MSRA: variants seen among roughly 807,000 people sequenced by gnomAD.
The protein encoded by MSRA is methionine sulfoxide reductase A.
MSRA carries 54 observed loss-of-function variants against 31.3 expected under a neutral mutation model. That is an observed-to-expected ratio of 1.73 (90% CI 1.39 to 2.17). The LOEUF (loss-of-function observed/expected upper bound fraction) is 2.17. Ranked by LOEUF, MSRA falls within the 30% of genes most tolerant of loss-of-function variation. MSRA has a pLI of 0.00. For missense variants in MSRA, 507 were observed against 300.9 expected (o/e 1.69, Z -5.07); for synonymous variants, 169 against 116.5 (o/e 1.45, Z -2.90).
At chr8:10,383,231 G>T (rs1028846355) in intron 5 of MSRA, among the ~76,000 whole-genome samples, 4 of 152,188 alleles carry the variant, frequency 2.6e-5, no homozygotes, top group African/African-American at 9.6e-5. Flanking sequence ...TTCCACAGGA[G>T]CTCCTGTGTG....
At chr8:10,123,885 G>A (rs76468518) in intron 1 of MSRA, among the ~76,000 whole-genome samples, 1 of 150,712 alleles carries the variant, frequency 6.6e-6, no homozygotes, top group Non-Finnish European at 1.5e-5. Context: ...CTTCTTTTGA[G>A]ACAGGGTCTC....
At chr8:10,112,224 G>A (rs1172704163) in intron 1 of MSRA, among the ~76,000 whole-genome samples, 1 of 152,120 alleles carries the variant, frequency 6.6e-6, no homozygotes, top group Non-Finnish European at 1.5e-5. Context: ...ATAGTTCTTA[G>A]GAAAGCTAGT....
At chr8:10,255,180 C>T (rs1210665352) in intron 3 of MSRA, among the ~76,000 whole-genome samples, 1 of 152,228 alleles carries the variant, frequency 6.6e-6, no homozygotes, top group East Asian at 1.9e-4. Flanking sequence ...TAACTTTGGG[C>T]TGAAACACGC....
intron 3 of MSRA, among the ~76,000 whole-genome samples, chr8:10,288,619 G>A (rs1479533635): frequency 2.6e-5 from 4 of 152,146 alleles, no homozygotes. Flanking sequence ...CCTCAGACCA[G>A]CAACAGTGTT....
At chr8:10,353,270 G>C (rs1804299044) in intron 5 of MSRA, among the ~76,000 whole-genome samples, 1 of 152,240 alleles carries the variant, frequency 6.6e-6, no homozygotes, top group Non-Finnish European at 1.5e-5. Flanking sequence ...GCTTCTTGCA[G>C]TCTTGCCAAT....
chr8:10,214,781 G>A (rs1051913378), intron 2 of MSRA, among the ~76,000 whole-genome samples: 7 of 152,192 alleles, frequency 4.6e-5, no homozygotes, highest in African/African-American at 1.7e-4. Flanking sequence ...GTAATTTGAA[G>A]CAACTTGAGG....
At chr8:10,190,683 A>G (rs1050831368) in intron 1 of MSRA, among the ~76,000 whole-genome samples, 4 of 152,212 alleles carry the variant, frequency 2.6e-5, no homozygotes, top group Admixed American at 1.3e-4. Flanking sequence ...TAGACTTTCC[A>G]TTAACCTACT....
chr8:10,067,466 G>A (rs1202102848), intron 1 of MSRA, among the ~76,000 whole-genome samples: 7 of 152,052 alleles, frequency 4.6e-5, no homozygotes, highest in African/African-American at 1.7e-4. Flanking sequence ...AATTGTTTTG[G>A]CAGTTATGAA....
chr8:10,405,085 A>G (rs1409917560), intron 5 of MSRA, among the ~76,000 whole-genome samples: 1 of 152,108 alleles, frequency 6.6e-6, no homozygotes, highest in Non-Finnish European at 1.5e-5. Context: ...ACTCGTGGCC[A>G]CCGCTCCAGT....
At chr8:10,319,787 A>G in intron 4 of MSRA, 96 bp from the exon 5 acceptor site, 2 of 603,168 alleles carry the variant, frequency 3.3e-6, no homozygotes, top group East Asian at 3.3e-5. Context: ...CAGGGACCAT[A>G]TGAAAAGTGT....
intron 3 of MSRA, among the ~76,000 whole-genome samples, chr8:10,251,472 C>A (rs957196315): frequency 6.6e-6 from 1 of 152,130 alleles, no homozygotes; most frequent in Non-Finnish European, 1.5e-5. Context: ...CCTGAAAATG[C>A]AAGAATTCTG....
rs143450315 is a variant in MSRA, at chr8:10,054,578, C to G, written c.62C>G (p.Pro21Arg). Residue 21 changes from proline to arginine, a missense_variant, in exon 1 of 6, where the codon CCG (proline) becomes CGG (arginine). Transcript: ENST00000317173. ...CTCCTCCACAGCCTCTTTCCCGTCC[C>G]GAGGATGGGCAACTCGGCCTCGAAC... ...LLLLHSLFPV[P>R]RMGNSASNIV... The G allele has an allele frequency of 3.8e-6, 6 of 1,585,406 alleles. No individual in the cohort carries two copies. The highest frequency in any genetic ancestry group is 5.1e-6 in the Non-Finnish European group (6 of 1,166,220).
intron 1 of MSRA, among the ~76,000 whole-genome samples, chr8:10,104,396 T>C (rs545673160): frequency 6.6e-6 from 1 of 152,122 alleles, no homozygotes; most frequent in Non-Finnish European, 1.5e-5. Context: ...GTGATGGGGG[T>C]ACAGCTTGGT....
chr8:10,183,873 TTTG>T (rs1185590950), intron 1 of MSRA, among the ~76,000 whole-genome samples: 2 of 142,310 alleles, frequency 1.4e-5, no homozygotes, highest in African/African-American at 5.3e-5. Context: ...TGTTGTTGGT[TTTG>T]TTGGTATAGG....
At chr8:10,327,886 T>C (rs1214362074) in intron 5 of MSRA, among the ~76,000 whole-genome samples, 1 of 151,998 alleles carries the variant, frequency 6.6e-6, no homozygotes, top group Non-Finnish European at 1.5e-5. Context: ...TGAGCTGAGA[T>C]TGCGCCACTG....
At chr8:10,301,394 G>A in intron 3 of MSRA, 140 bp from the exon 4 acceptor site, 1 of 631,378 alleles carries the variant, frequency 1.6e-6, no homozygotes, top group Non-Finnish European at 2.8e-6. Flanking sequence ...GAGACTCTTA[G>A]CTAAAGTCTA....
Position 10,301,638 on chromosome 8 carries a change from G to C in MSRA, c.436G>C (p.Gly146Arg). Residue 146 changes from glycine to arginine, a missense_variant and splice_region_variant, in exon 4 of 6, where the codon GGT (glycine) becomes CGT (arginine). By Grantham distance (125) the Gly-to-Arg change is moderately radical. Coordinates refer to ENST00000317173, the MANE Select transcript of MSRA (RefSeq NM_012331.5). ...CTGGGAGAATCACGACCCGACCCAA[G>C]GTAGAGTGATGAGTGAGCCAGTATT... ...VFWENHDPTQ[G>R]MRQGNDHGTQ... is the part of the protein sequence containing the mutation. The C allele has an allele frequency of 6.2e-7, 1 of 1,611,588 alleles. No individual in the cohort carries two copies. Among genetic ancestry groups the C allele is most frequent in the Non-Finnish European group, 8.5e-7 (1 of 1,178,046 alleles).
chr8:10,138,676 T>G (rs1802470514), intron 1 of MSRA, among the ~76,000 whole-genome samples: 1 of 152,242 alleles, frequency 6.6e-6, no homozygotes, highest in Non-Finnish European at 1.5e-5. Flanking sequence ...CACATTTATT[T>G]TTTTCTTCCT....
intron 1 of MSRA, among the ~76,000 whole-genome samples, chr8:10,128,669 C>T (rs984865917): frequency 6.6e-6 from 1 of 152,184 alleles, no homozygotes; most frequent in African/African-American, 2.4e-5. Flanking sequence ...TGTGATATTC[C>T]AGATGTAGGT....
Sources: allele counts gnomAD v4.1 joint callset (sites outside exome capture counted in the v4.1 genomes callset), GRCh38; gene constraint gnomAD v4.1.1; transcripts MANE v1.5; gene names NCBI Gene and HGNC (gene_info 2026-07-23, HGNC 2026-07-21).